IQSEC1: variants seen among roughly 807,000 people sequenced by gnomAD.
The protein encoded by IQSEC1 is IQ motif and Sec7 domain ArfGEF 1, also known as IQ motif and SEC7 domain-containing protein 1.
Under a neutral mutation model 91.0 loss-of-function variants are expected in IQSEC1, and 31 were observed. That is an observed-to-expected ratio of 0.34 (90% CI 0.26 to 0.46). The LOEUF (loss-of-function observed/expected upper bound fraction) is 0.46. IQSEC1 is among the 20% of genes least tolerant of loss of function. The pLI is 1.00. For synonymous variants in IQSEC1, 699 were observed against 662.6 expected (o/e 1.05, Z -0.84); for missense variants, 1,388 against 1,575.6 (o/e 0.88, Z 2.02).
In IQSEC1 at chr3:12,936,298, T is replaced by C. The variant is rs1183912558; in HGVS notation, c.718A>G (p.Ile240Val). The change falls in exon 3 of 14, where the codon ATC (isoleucine) becomes GTC (valine). Residue 240 changes from isoleucine (I) to valine (V), a missense_variant. Around this residue, in one of 2 missense-constraint regions of IQSEC1, gnomAD observed 1,059 missense variants for 1,317.8 expected, o/e 0.80. Coordinates refer to ENST00000613206, the MANE Select transcript of IQSEC1 (RefSeq NM_001134382.3). ...CTGCGGCAGTTGAGGGCATCGTCGA[T>C]GGACTCGGCCAGTGATTTCACTTGC... is the stretch of plus-strand genomic sequence containing the variant. ...SRQVKSLAES[I>V]DDALNCRSLH... The C allele has an allele frequency of 1.2e-6, 2 of 1,613,114 alleles. No individual in the cohort carries two copies. The highest frequency in any genetic ancestry group is 2.2e-5 in the East Asian group (1 of 44,862).
At chr3:13,018,753 T>G (rs1348140044) in intron 1 of IQSEC1, among the ~76,000 whole-genome samples, 1 of 152,182 alleles carries the variant, frequency 6.6e-6, no homozygotes, top group Non-Finnish European at 1.5e-5. Flanking sequence ...TCAGGGAGGC[T>G]GCCTGTTATA....
In IQSEC1 at chr3:12,959,446, G is replaced by C. The variant is rs377330920; in HGVS notation, c.24-17581C>G. Among the ~76,000 whole-genome samples the C allele has an allele frequency of 1.1e-4, 16 of 152,182 alleles. No individual in the cohort carries two copies. In the East Asian group the frequency reaches 1.7e-3, roughly 16 times the overall value. ...GGTCCTAGGCAGATGGAAGAGAAGC[G>C]AGTTCTCCTACCCTGACCCAGGAAG... is the stretch of plus-strand genomic sequence containing the variant. On this transcript the variant is annotated intron_variant, in intron 1 of 13. Coordinates refer to ENST00000613206, the MANE Select transcript of IQSEC1 (RefSeq NM_001134382.3).
At chr3:12,963,650 G>C (rs1262867970) in intron 1 of IQSEC1, among the ~76,000 whole-genome samples, 4 of 152,204 alleles carry the variant, frequency 2.6e-5, no homozygotes, top group Non-Finnish European at 5.9e-5. Flanking sequence ...AAGACTCAGA[G>C]ATGGAAGGCA....
intron 1 of IQSEC1, among the ~76,000 whole-genome samples, chr3:13,199,137 A>G (rs1053968752): frequency 4.6e-5 from 7 of 152,196 alleles, no homozygotes; most frequent in African/African-American, 1.4e-4. Flanking sequence ...GCGACACAAC[A>G]TGGCAGTGAA....
At chr3:13,276,524 TCA>T (rs1695684474) in intron 1 of IQSEC1, among the ~76,000 whole-genome samples, 1 of 152,054 alleles carries the variant, frequency 6.6e-6, no homozygotes, top group Non-Finnish European at 1.5e-5. Context: ...AGACAGCAAC[TCA>T]GAGAGGCTGG....
intron 1 of IQSEC1, among the ~76,000 whole-genome samples, chr3:13,268,073 C>A (rs1172463831): frequency 1.3e-5 from 2 of 152,258 alleles, no homozygotes; most frequent in African/African-American, 2.4e-5. Flanking sequence ...CATCACACCA[C>A]TGCTAGCAGG....
At chr3:13,072,830 A>T (rs973837125) in intron 1 of IQSEC1, among the ~76,000 whole-genome samples, 162 bp downstream of exon 1, 3 of 152,196 alleles carry the variant, frequency 2.0e-5, no homozygotes, top group Non-Finnish European at 4.4e-5. Flanking sequence ...CCTCCGCTGC[A>T]GGGGCCGAGC....
chr3:13,233,865 T>C (rs537900553), intron 1 of IQSEC1, among the ~76,000 whole-genome samples: 1 of 152,242 alleles, frequency 6.6e-6, no homozygotes, highest in South Asian at 2.1e-4. Context: ...CCCCTCTCTG[T>C]GCCCTGTAAC....
At chr3:13,125,387 C>T (rs1415498711) in intron 2 of IQSEC1, among the ~76,000 whole-genome samples, 1 of 152,244 alleles carries the variant, frequency 6.6e-6, no homozygotes, top group African/African-American at 2.4e-5. Flanking sequence ...GCTCCCAGGT[C>T]ATTTTCTCTG....
chr3:13,013,876 C>T (rs970349792), intron 1 of IQSEC1, among the ~76,000 whole-genome samples: 1 of 152,180 alleles, frequency 6.6e-6, no homozygotes, highest in African/African-American at 2.4e-5. Context: ...CTTAAAGGCT[C>T]CTGGTTACAC....
At chr3:13,149,650 C>T (rs1171331555) in intron 2 of IQSEC1, among the ~76,000 whole-genome samples, 1 of 152,070 alleles carries the variant, frequency 6.6e-6, no homozygotes, top group Admixed American at 6.5e-5. Context: ...TGGAAGGTGT[C>T]ATCCCCGTGT....
At chr3:12,966,201 C>G (rs900611768) in intron 1 of IQSEC1, among the ~76,000 whole-genome samples, 2 of 152,176 alleles carry the variant, frequency 1.3e-5, no homozygotes, top group African/African-American at 4.8e-5. Flanking sequence ...GGCCTCCACC[C>G]CAGATGCAAG....
At chr3:13,087,837 AG>A (rs1267189812) in intron 2 of IQSEC1, among the ~76,000 whole-genome samples, 1 of 152,148 alleles carries the variant, frequency 6.6e-6, no homozygotes, top group Admixed American at 6.5e-5. Context: ...AGAAGGTGGA[AG>A]GGCCAAAGAG....
At chr3:13,015,870 C>A (rs9868080) in intron 1 of IQSEC1, among the ~76,000 whole-genome samples, 19,425 of 152,206 alleles carry the variant, frequency 0.13, 1,486 homozygotes, top group African/African-American at 0.21. Flanking sequence ...AAATAATACA[C>A]CCACCTCCCT....
chr3:12,969,475 C>T (rs752789340), intron 1 of IQSEC1, among the ~76,000 whole-genome samples: 5 of 152,158 alleles, frequency 3.3e-5, no homozygotes, highest in Non-Finnish European at 4.4e-5. Context: ...GGCTGCACTG[C>T]TCAAAGACCA....
intron 2 of IQSEC1, among the ~76,000 whole-genome samples, chr3:13,122,819 C>T (rs186185602): frequency 1.3e-5 from 2 of 152,290 alleles, no homozygotes; most frequent in African/African-American, 4.8e-5. Flanking sequence ...CATCACACAC[C>T]CAGGATTCCA....
intron 1 of IQSEC1, among the ~76,000 whole-genome samples, chr3:13,192,877 G>C (rs377665309): frequency 2.0e-4 from 31 of 152,248 alleles, no homozygotes; most frequent in Non-Finnish European, 7.3e-5. Context: ...TTCACCTTGA[G>C]GGGGAGCATT....
At chr3:13,271,408 CAAT>C (rs1300068683) in intron 1 of IQSEC1, among the ~76,000 whole-genome samples, 2 of 151,972 alleles carry the variant, frequency 1.3e-5, no homozygotes, top group Non-Finnish European at 2.9e-5. Flanking sequence ...GAAGACACAA[CAAT>C]AATAACCTTT....
chr3:13,065,429 A>G (rs530665282), intron 1 of IQSEC1, among the ~76,000 whole-genome samples: 3 of 152,376 alleles, frequency 2.0e-5, no homozygotes, highest in Admixed American at 1.3e-4. Context: ...TCTCTCAGTT[A>G]TATGACTATA....
Sources: allele counts gnomAD v4.1 joint callset (sites outside exome capture counted in the v4.1 genomes callset), GRCh38; gene constraint gnomAD v4.1.1; regional missense constraint gnomAD v4.1.1; transcripts MANE v1.5; gene names NCBI Gene and HGNC (gene_info 2026-07-23, HGNC 2026-07-21).